Variants in ROCK2 observed in about 807,000 individuals in gnomAD.
The protein encoded by ROCK2 is rho-associated protein kinase 2.
In ROCK2, 61 loss-of-function variants were observed where a neutral mutation model predicts 195.1. The observed-to-expected ratio is 0.31, with a 90% CI of 0.25 to 0.39. ROCK2 has a LOEUF of 0.39. Ranked by LOEUF, ROCK2 falls within the 10% of genes least tolerant of loss-of-function variation. The pLI is 1.00. For missense variants in ROCK2, 1,109 were observed against 1,637.4 expected, an observed-to-expected ratio of 0.68 and a Z score of 5.57; for synonymous variants, 504 against 545.5, an observed-to-expected ratio of 0.92 and a Z score of 1.06.
intron 3 of ROCK2, among the ~76,000 whole-genome samples, chr2:11,270,530 G>T (rs990689470): frequency 9.9e-5 from 15 of 151,900 alleles, no homozygotes; most frequent in Non-Finnish European, 2.2e-4. Context: ...TGATAATTCT[G>T]TTCTGATGTT....
intron 1 of ROCK2, among the ~76,000 whole-genome samples, chr2:11,321,466 G>A (rs1473125458): frequency 3.3e-5 from 5 of 151,438 alleles, no homozygotes; most frequent in East Asian, 2.0e-4. Context: ...TGGCCACTGC[G>A]TCCAGCACTT....
At chr2:11,244,650 C>G (rs1665549060) in intron 4 of ROCK2, among the ~76,000 whole-genome samples, 1 of 151,674 alleles carries the variant, frequency 6.6e-6, no homozygotes, top group Admixed American at 6.6e-5. Context: ...GTACCAGCTA[C>G]TTGGGAAACT....
chr2:11,216,308 T>C (rs1305356854), intron 12 of ROCK2, 102 bp from the exon 13 acceptor site: 3 of 881,526 alleles, frequency 3.4e-6, no homozygotes, highest in Non-Finnish European at 5.4e-6. Flanking sequence ...AGCTCTCCTT[T>C]ATTTTTCTGA....
intron 1 of ROCK2, among the ~76,000 whole-genome samples, chr2:11,333,901 A>G (rs1668843616): frequency 6.6e-6 from 1 of 152,172 alleles, no homozygotes; most frequent in Admixed American, 6.5e-5. Context: ...ATAAATAATA[A>G]AAAGCTGTTC....
chr2:11,259,787 T>C (rs1428428604), intron 3 of ROCK2, among the ~76,000 whole-genome samples: 3 of 150,994 alleles, frequency 2.0e-5, no homozygotes, highest in East Asian at 1.9e-4. Context: ...ATTTGAAGGA[T>C]TGATATACAG....
intron 4 of ROCK2, among the ~76,000 whole-genome samples, chr2:11,239,508 G>T (rs1416643124): frequency 2.0e-5 from 3 of 152,122 alleles, no homozygotes; most frequent in African/African-American, 4.8e-5. Flanking sequence ...AACAATCAAG[G>T]ATTCCACGCC....
chr2:11,325,581 G>A (rs1449155962), intron 1 of ROCK2, among the ~76,000 whole-genome samples: 1 of 152,170 alleles, frequency 6.6e-6, no homozygotes, highest in Non-Finnish European at 1.5e-5. Flanking sequence ...AAAGGGAGGA[G>A]TAAGGGACAA....
intron 3 of ROCK2, among the ~76,000 whole-genome samples, chr2:11,261,956 CAT>C (rs1157916387): frequency 6.6e-6 from 1 of 152,176 alleles, no homozygotes; most frequent in Non-Finnish European, 1.5e-5. Flanking sequence ...TACATCATAT[CAT>C]AGAGTTATTG....
At chr2:11,199,027 AGT>A in intron 23 of ROCK2, among the ~76,000 whole-genome samples, 1 of 151,770 alleles carries the variant, frequency 6.6e-6, no homozygotes, top group South Asian at 2.1e-4. Context: ...CAGCCTCCTT[AGT>A]AGCTGGGATT....
chr2:11,257,210 G>A (rs1666065901), intron 3 of ROCK2, among the ~76,000 whole-genome samples: 1 of 151,488 alleles, frequency 6.6e-6, no homozygotes, highest in African/African-American at 2.5e-5. Context: ...AGAGCCTCAT[G>A]GCGGAGGAAG....
intron 1 of ROCK2, among the ~76,000 whole-genome samples, chr2:11,297,806 T>C (rs941290024): frequency 6.6e-6 from 1 of 152,198 alleles, no homozygotes; most frequent in Non-Finnish European, 1.5e-5. Flanking sequence ...AGTACCTTTA[T>C]GAACAAAATT....
Position 11,289,390 on chromosome 2 carries a change from G to A in ROCK2, c.142-1654C>T, listed in dbSNP as rs1423346499. Among the ~76,000 whole-genome samples the A allele has an allele frequency of 3.3e-5, 5 of 152,084 alleles. No homozygotes were observed. The East Asian group carries it at 9.6e-4, about 29-fold the overall frequency. On this transcript the variant is annotated intron_variant, in intron 1 of 32. Coordinates refer to ENST00000315872, the MANE Select transcript of ROCK2 (RefSeq NM_004850.5). ...TTATTAGTATAATTTTGATATTTCA[G>A]TAAGTTTAAAATGTAAAATCTGAAT... is the stretch of plus-strand genomic sequence containing the variant.
intron 3 of ROCK2, among the ~76,000 whole-genome samples, chr2:11,260,358 G>A (rs989296214): frequency 4.1e-5 from 6 of 146,020 alleles, no homozygotes; most frequent in African/African-American, 1.5e-4. Context: ...TGAGGCAGGA[G>A]AATTGCTTGA....
intron 4 of ROCK2, among the ~76,000 whole-genome samples, chr2:11,239,339 T>G (rs1401676607): frequency 6.6e-6 from 1 of 152,036 alleles, no homozygotes; most frequent in Admixed American, 6.6e-5. Flanking sequence ...ATTAGGGAAA[T>G]GCACACTAAA....
intron 1 of ROCK2, among the ~76,000 whole-genome samples, chr2:11,307,808 C>T (rs931533289): frequency 5.9e-5 from 9 of 152,096 alleles, no homozygotes; most frequent in African/African-American, 2.2e-4. Flanking sequence ...ATGTACTGAA[C>T]ATACACAGAC....
chr2:11,326,981 T>G (rs1322721432), intron 1 of ROCK2, among the ~76,000 whole-genome samples: 1 of 152,186 alleles, frequency 6.6e-6, no homozygotes, highest in African/African-American at 2.4e-5. Flanking sequence ...ATAGCCCCTA[T>G]GGAGAATAAA....
chr2:11,281,963 C>A (rs1340081517), intron 3 of ROCK2, among the ~76,000 whole-genome samples: 1 of 151,920 alleles, frequency 6.6e-6, no homozygotes, highest in African/African-American at 2.4e-5. Context: ...TCAATCCAAT[C>A]ACAAAAAAAA....
At chr2:11,195,275 T>C (rs1272991910) in intron 27 of ROCK2, 7 of 238,924 alleles carry the variant, frequency 2.9e-5, no homozygotes, top group East Asian at 1.5e-4. Flanking sequence ...AAATGTTCCA[T>C]TGATTAAATT....
At chr2:11,345,269 C>T (rs1314587962), upstream of ROCK2, among the ~76,000 whole-genome samples, 1 of 152,212 alleles carries the variant, frequency 6.6e-6, no homozygotes, top group Non-Finnish European at 1.5e-5. Context: ...GGCTTAGACA[C>T]TAACCACTTC....
Sources: gnomAD v4.1 joint callset for allele counts (sites outside exome capture counted in the v4.1 genomes callset) on GRCh38, gnomAD v4.1.1 for gene constraint, MANE v1.5 for transcripts, NCBI Gene and HGNC (gene_info 2026-07-23, HGNC 2026-07-21) for gene names.